Variants in ENOX2 observed in about 807,000 individuals in gnomAD.
The protein encoded by ENOX2 is APK1 antigen.
In ENOX2, 36 loss-of-function variants were observed where a neutral mutation model predicts 45.0. The observed-to-expected ratio is 0.80, with a 90% CI of 0.61 to 1.06. ENOX2 has a LOEUF of 1.06. ENOX2 is among the 50% of genes least tolerant of loss of function. The pLI, the probability that ENOX2 is intolerant of heterozygous loss-of-function variation, is 0.00. For missense variants in ENOX2, 423 were observed against 462.5 expected (o/e 0.91, Z 0.78); for synonymous variants, 174 against 152.3 (o/e 1.14, Z -1.05).
At chrX:130,688,801 A>G (rs2037514290) in intron 5 of ENOX2, 62 bp downstream of exon 5, 1 of 911,728 alleles carries the variant, frequency 1.1e-6, no homozygotes, top group Non-Finnish European at 1.5e-6. Flanking sequence ...TTTGAGAAAG[A>G]AGAAAGCTTT....
chrX:130,855,898 A>G (rs1361152662), intron 2 of ENOX2, among the ~76,000 whole-genome samples: 1 of 111,981 alleles, frequency 8.9e-6, no homozygotes, highest in African/African-American at 3.2e-5. Context: ...CCAATTAGAA[A>G]GAAAGGTCAA....
chrX:130,852,681 T>C (rs2078233610), intron 2 of ENOX2, among the ~76,000 whole-genome samples: 1 of 110,631 alleles, frequency 9.0e-6, no homozygotes, highest in African/African-American at 3.3e-5. Context: ...AGTCATGGAG[T>C]TGAGACATTT....
At position 130,703,129 on chromosome X, in the gene ENOX2, T is replaced by C. The variant is rs1228029802; in HGVS notation, c.88A>G (p.Ile30Val). The change falls in exon 4 of 15, where the codon ATT (isoleucine) becomes GTT (valine). Residue 30 changes from isoleucine to valine, a missense_variant. Ile to Val is a conservative substitution (Grantham distance 29). This residue lies in a region of ENOX2 where 261 missense variants were observed against 306.8 expected (regional missense o/e 0.85). Coordinates refer to ENST00000394363, the MANE Select transcript of ENOX2 (RefSeq NM_006375.4). ...MAPLGIAGQP[I>V]LPDFDPALGM... Reference sequence around the variant, plus strand: ...ATTAAAAATAACATACCAGGTAAAATTGGTTGTCCGGCAATTCCCAGCGGT... The same window carrying C: ...ATTAAAAATAACATACCAGGTAAAACTGGTTGTCCGGCAATTCCCAGCGGT... 3.3e-6 allele frequency: 4 copies of C among 1,206,343 alleles called. No individual in the cohort carries two copies. Among genetic ancestry groups the C allele is most frequent in the Middle Eastern group, 2.3e-4 (1 of 4,319 alleles).
chrX:130,745,857 C>G (rs1419236627), intron 3 of ENOX2, among the ~76,000 whole-genome samples: 1 of 111,876 alleles, frequency 8.9e-6, no homozygotes, highest in Non-Finnish European at 1.9e-5. Flanking sequence ...CATGTTCACC[C>G]TCCCTTCCCT....
intron 3 of ENOX2, among the ~76,000 whole-genome samples, chrX:130,778,168 G>C (rs2039900584): frequency 1.8e-5 from 2 of 111,772 alleles, no homozygotes; most frequent in African/African-American, 6.5e-5. Context: ...TCATAGAAAA[G>C]TTTCCTGGTT....
chrX:130,688,941 G>C lies in ENOX2; in HGVS notation c.175C>G (p.Pro59Ala), dbSNP rs2037519034. The change falls in exon 5 of 15, where the codon CCA (proline) becomes GCA (alanine). Residue 59 changes from proline to alanine, a missense_variant. This residue lies in a region of ENOX2 where 261 missense variants were observed against 306.8 expected (regional missense o/e 0.85). Transcript: ENST00000394363. ...ACTGGCATATCTGGAGGAATTGGTGGAGGTACTATTCCCAAACCAGGCATC... is the reference window on the plus strand; with the variant it reads ...ACTGGCATATCTGGAGGAATTGGTGCAGGTACTATTCCCAAACCAGGCATC... ...PMMPGLGIVPPPIPPDMPVVK... is the reference protein window; with the variant it reads ...PMMPGLGIVPAPIPPDMPVVK... The C allele has an allele frequency of 8.4e-7, 1 of 1,193,721 alleles. No individual in the cohort carries two copies. The highest frequency in any genetic ancestry group is 3.0e-5 in the East Asian group (1 of 33,756).
intron 11 of ENOX2, 121 bp downstream of exon 11, chrX:130,637,108 G>C (rs1243898925): frequency 1.7e-6 from 1 of 592,361 alleles, no homozygotes; most frequent in African/African-American, 2.2e-5. Flanking sequence ...AGCCATGCCA[G>C]ATAATATTAC....
In ENOX2 at chrX:130,829,790, C is replaced by T. The variant is rs374606650; in HGVS notation, c.-182-46100G>A. 2.2e-3 allele frequency among the ~76,000 whole-genome samples: 248 copies of T among 111,946 alleles called. 1 individual carries two copies. The highest frequency in any genetic ancestry group is 7.6e-3 in the African/African-American group (236 of 30,900). ...AGGTGAAATGACTTACTCAAGATTGCACAGCTTAGAACTGGTGGAGCTAGA... is the reference window on the plus strand; with the variant it reads ...AGGTGAAATGACTTACTCAAGATTGTACAGCTTAGAACTGGTGGAGCTAGA... On this transcript the variant is annotated intron_variant, in intron 2 of 14. Coordinates refer to ENST00000394363, the MANE Select transcript of ENOX2 (RefSeq NM_006375.4).
chrX:130,897,561 G>T (rs901069299), intron 2 of ENOX2, among the ~76,000 whole-genome samples: 2 of 111,703 alleles, frequency 1.8e-5, no homozygotes, highest in African/African-American at 6.5e-5. Flanking sequence ...TAATATTTTT[G>T]CTCTGAGAAT....
rs548079230 is a variant in ENOX2 at position 130,679,386 on chromosome X, T to C, written c.460+156A>G. On this transcript the variant is annotated intron_variant, in intron 6 of 14. Transcript: ENST00000394363. ...ACAACTGGGAGCTACTGAAGAGCTT[T>C]AAAGGAAGAAGTTGAATGGGAACAT... Among the ~76,000 whole-genome samples, 8 of 111,588 alleles carry C rather than the reference T, an allele frequency of 7.2e-5. No individual in the cohort carries two copies. The South Asian group carries it at 3.1e-3, about 43-fold the overall frequency.
chrX:130,871,819 C>T lies in ENOX2; in HGVS notation c.-183+29865G>A, dbSNP rs192584374. On this transcript the variant is annotated intron_variant, in intron 2 of 14. Transcript: ENST00000394363. Reference sequence around the variant, plus strand: ...AGGAACAGAAACCTCAGTTAGGAATCGATGCAGATATTTGATTCAAGTAAT... The same window carrying T: ...AGGAACAGAAACCTCAGTTAGGAATTGATGCAGATATTTGATTCAAGTAAT... 2.3e-4 allele frequency among the ~76,000 whole-genome samples: 25 copies of T among 110,826 alleles called. 1 individual carries two copies. The highest frequency in any genetic ancestry group is 1.8e-3 in the Admixed American group (19 of 10,486).
chrX:130,891,368 C>T (rs996527572), intron 2 of ENOX2, among the ~76,000 whole-genome samples: 3 of 104,960 alleles, frequency 2.9e-5, no homozygotes, highest in Non-Finnish European at 5.8e-5. Flanking sequence ...GTTGTTTGGT[C>T]CAATAAAAGG....
intron 2 of ENOX2, among the ~76,000 whole-genome samples, chrX:130,890,201 C>A (rs1040286390): frequency 7.2e-5 from 8 of 111,458 alleles, no homozygotes; most frequent in Non-Finnish European, 1.3e-4. Context: ...AGGAATATGA[C>A]TGACAGAGTG....
At chrX:130,739,615 C>T (rs774715363) in intron 3 of ENOX2, among the ~76,000 whole-genome samples, 108 of 111,914 alleles carry the variant, frequency 9.7e-4, no homozygotes, top group Non-Finnish European at 1.5e-3. Context: ...AATGTATTTT[C>T]TCATTTACAT....
chrX:130,709,052 A>G (rs185357422), intron 3 of ENOX2, among the ~76,000 whole-genome samples: 1 of 112,348 alleles, frequency 8.9e-6, no homozygotes, highest in East Asian at 2.8e-4. Context: ...TAGAGAATTT[A>G]AGGTAATTAA....
chrX:130,756,299 A>C (rs1340213095), intron 3 of ENOX2, among the ~76,000 whole-genome samples: 1 of 112,179 alleles, frequency 8.9e-6, no homozygotes, highest in Non-Finnish European at 1.9e-5. Context: ...TTTGCTTCAA[A>C]TTGCTGCCTG....
chrX:130,645,953 C>T (rs1353024306), intron 10 of ENOX2: 1 of 694,646 alleles, frequency 1.4e-6, no homozygotes, highest in African/African-American at 2.1e-5. Flanking sequence ...AGTGCCACAA[C>T]TCCATTCAAG....
chrX:130,650,944 G>A (rs770329826), intron 10 of ENOX2, among the ~76,000 whole-genome samples: 4 of 111,967 alleles, frequency 3.6e-5, no homozygotes, highest in Non-Finnish European at 7.5e-5. Context: ...AGTAAATTCA[G>A]GGAGTCAGCC....
At chrX:130,698,092 G>A (rs1019647320) in intron 4 of ENOX2, among the ~76,000 whole-genome samples, 29 of 111,266 alleles carry the variant, frequency 2.6e-4, no homozygotes, top group African/African-American at 8.8e-4. Flanking sequence ...CTGTGGCCCA[G>A]TTAATCTTGT....
Sources: gnomAD v4.1 joint callset for allele counts (sites outside exome capture counted in the v4.1 genomes callset) on GRCh38, gnomAD v4.1.1 for gene constraint, gnomAD v4.1.1 regional missense constraint, MANE v1.5 for transcripts, NCBI Gene and HGNC (gene_info 2026-07-23, HGNC 2026-07-21) for gene names.